The following RBMS3 variants were observed in gnomAD, a reference collection of about 807,000 sequenced individuals.
RBMS3 encodes the protein RNA binding motif single stranded interacting protein 3.
A neutral mutation model predicts 66.8 loss-of-function variants in RBMS3; 27 were observed. The observed-to-expected ratio is 0.40, with a 90% CI of 0.30 to 0.56. The LOEUF (loss-of-function observed/expected upper bound fraction) is 0.56. RBMS3 is among the 20% of genes least tolerant of loss of function. The pLI is 0.40. For synonymous variants in RBMS3, 188 were observed against 183.0 expected, an observed-to-expected ratio of 1.03 and a Z score of -0.22; for missense variants, 513 against 549.5, an observed-to-expected ratio of 0.93 and a Z score of 0.66.
chr3:29,881,963 A>C (rs1207475278), intron 7 of RBMS3, among the ~76,000 whole-genome samples: 1 of 152,166 alleles, frequency 6.6e-6, no homozygotes, highest in African/African-American at 2.4e-5. Flanking sequence ...TGAGATAATT[A>C]GTAGACTGAA....
chr3:29,474,217 C>T lies in RBMS3; in HGVS notation c.249-14224C>T, dbSNP rs79607420. On this transcript the variant is annotated intron_variant, in intron 2 of 14. Transcript: ENST00000383767. ...TTTGTTTATCTGGTGTCTTTTGCTC[C>T]GCATTGTTTGAGGATTCACCCACAA... Among the ~76,000 whole-genome samples the T allele has an allele frequency of 3.3e-3, 502 of 152,340 alleles. 8 individuals carry two copies. The East Asian group carries it at 0.039, about 12-fold the overall frequency.
chr3:29,630,231 C>G (rs1389563223), intron 4 of RBMS3, among the ~76,000 whole-genome samples: 3 of 151,906 alleles, frequency 2.0e-5, no homozygotes, highest in Admixed American at 2.0e-4. Context: ...TCATTGAATG[C>G]CAACTCAGTT....
chr3:29,752,167 A>G (rs1484829836), intron 5 of RBMS3, among the ~76,000 whole-genome samples: 1 of 152,122 alleles, frequency 6.6e-6, no homozygotes, highest in Admixed American at 6.6e-5. Context: ...GAAGGGCAAT[A>G]TAGTGGGAAG....
At chr3:29,770,761 G>C (rs560919851) in intron 6 of RBMS3, among the ~76,000 whole-genome samples, 8 of 152,028 alleles carry the variant, frequency 5.3e-5, no homozygotes, top group African/African-American at 1.7e-4. Flanking sequence ...GTGTCTGTCC[G>C]GATGAGTCCT....
At chr3:29,529,408 C>A (rs1255754130) in intron 3 of RBMS3, among the ~76,000 whole-genome samples, 1 of 151,852 alleles carries the variant, frequency 6.6e-6, no homozygotes, top group Non-Finnish European at 1.5e-5. Context: ...GGAAAAAAAA[C>A]AGATGAGCAC....
intron 12 of RBMS3, among the ~76,000 whole-genome samples, chr3:29,948,996 C>T (rs898498502): frequency 6.6e-6 from 1 of 151,576 alleles, no homozygotes; most frequent in East Asian, 1.9e-4. Context: ...ATGATATGTG[C>T]GCAAGTATTT....
intron 14 of RBMS3, among the ~76,000 whole-genome samples, chr3:30,002,499 G>A (rs1163041459): frequency 6.6e-6 from 1 of 151,998 alleles, no homozygotes; most frequent in East Asian, 1.9e-4. Flanking sequence ...TGCAAAGCTA[G>A]AGACAGTTAA....
In RBMS3 at chr3:29,434,735, G is replaced by C; in HGVS notation, c.76-8G>C. On this transcript the variant is annotated splice_region_variant and splice_polypyrimidine_tract_variant and intron_variant, in intron 1 of 14. Transcript: ENST00000383767. ...TGTTTTTCCAGTAACAGCTTTTTCT[G>C]TTTCCAGCAGTCCTATGCACCAGCT... The C allele has an allele frequency of 6.2e-7, 1 of 1,606,150 alleles. No homozygotes were observed. The highest frequency in any genetic ancestry group is 8.5e-7 in the Non-Finnish European group (1 of 1,176,272).
At chr3:29,509,161 C>T (rs1463882150) in intron 3 of RBMS3, among the ~76,000 whole-genome samples, 1 of 151,164 alleles carries the variant, frequency 6.6e-6, no homozygotes, top group Non-Finnish European at 1.5e-5. Context: ...TCACATTCTA[C>T]TCCATGTGAA....
chr3:29,585,416 G>A (rs1293108968), intron 3 of RBMS3, among the ~76,000 whole-genome samples: 1 of 152,100 alleles, frequency 6.6e-6, no homozygotes, highest in Admixed American at 6.6e-5. Context: ...AGCAATTCAT[G>A]GTATGGTGTA....
chr3:29,565,562 A>C (rs2046712526), intron 3 of RBMS3, among the ~76,000 whole-genome samples: 1 of 152,064 alleles, frequency 6.6e-6, no homozygotes, highest in Admixed American at 6.6e-5. Flanking sequence ...TTGTTAAGTC[A>C]CAATAAACTA....
At chr3:29,819,825 C>A (rs1161470324) in intron 6 of RBMS3, among the ~76,000 whole-genome samples, 1 of 152,086 alleles carries the variant, frequency 6.6e-6, no homozygotes, top group Non-Finnish European at 1.5e-5. Context: ...TAGCTGAGAT[C>A]AGCTAACTTT....
At position 29,321,114 on chromosome 3, in the gene RBMS3, G is replaced by T. The variant is rs2034984761; in HGVS notation, c.75+39358G>T. Among the ~76,000 whole-genome samples, 7 of 151,984 alleles carry T rather than the reference G, an allele frequency of 4.6e-5. No individual in the cohort carries two copies. In the South Asian group the frequency reaches 1.5e-3, roughly 32 times the overall value. On this transcript the variant is annotated intron_variant, in intron 1 of 14. Transcript: ENST00000383767. ...AGGAACCTTAAGATAGAATCTCATA[G>T]AACTCTTTCTTTCACTTATAACCTG...
At chr3:29,564,843 A>G (rs3773084) in intron 3 of RBMS3, among the ~76,000 whole-genome samples, 15,070 of 152,136 alleles carry the variant, frequency 0.099, 763 homozygotes, top group South Asian at 0.15. Context: ...AGACAATGCC[A>G]TAGTTTGGGC....
At chr3:29,836,242 G>C (rs2058504957) in intron 6 of RBMS3, among the ~76,000 whole-genome samples, 2 of 152,024 alleles carry the variant, frequency 1.3e-5, no homozygotes, top group South Asian at 4.1e-4. Context: ...TAAAGAGGAT[G>C]ATGTATGTCC....
At chr3:29,980,756 T>C (rs995901203) in intron 12 of RBMS3, among the ~76,000 whole-genome samples, 3 of 152,182 alleles carry the variant, frequency 2.0e-5, no homozygotes, top group African/African-American at 7.2e-5. Context: ...GTATGGCATA[T>C]TTCTGAGGCC....
intron 8 of RBMS3, among the ~76,000 whole-genome samples, chr3:29,897,050 T>C (rs956168817): frequency 3.3e-5 from 5 of 151,608 alleles, no homozygotes; most frequent in Non-Finnish European, 7.4e-5. Flanking sequence ...TAAAGCTTGG[T>C]GCTTTCATTT....
At chr3:29,711,598 G>A (rs966104008) in intron 4 of RBMS3, among the ~76,000 whole-genome samples, 1 of 152,110 alleles carries the variant, frequency 6.6e-6, no homozygotes, top group African/African-American at 2.4e-5. Flanking sequence ...AAACTTCAGA[G>A]CCAAGCAGGG....
chr3:29,595,746 A>G (rs2047923893), intron 4 of RBMS3, among the ~76,000 whole-genome samples: 1 of 152,198 alleles, frequency 6.6e-6, no homozygotes, highest in African/African-American at 2.4e-5. Flanking sequence ...CTGGTGTTAC[A>G]TTAGGAAAAT....
Sources: gnomAD v4.1 joint callset for allele counts (sites outside exome capture counted in the v4.1 genomes callset) on GRCh38, gnomAD v4.1.1 for gene constraint, MANE v1.5 for transcripts, NCBI Gene and HGNC (gene_info 2026-07-23, HGNC 2026-07-21) for gene names.